Variants in PLA2G7 observed in about 807,000 individuals in gnomAD.
PLA2G7 encodes phospholipase A2 group VII.
A neutral mutation model predicts 49.6 loss-of-function variants in PLA2G7; 63 were observed. That is an observed-to-expected ratio of 1.27 (90% CI 1.04 to 1.57). The LOEUF (loss-of-function observed/expected upper bound fraction) is 1.57, where lower values mean the gene tolerates loss of function less well. Among genes scored for constraint, PLA2G7 ranks in the 40% most tolerant of loss-of-function variants. PLA2G7 has a pLI of 0.00. For missense variants in PLA2G7, 596 were observed against 521.2 expected (o/e 1.14, Z -1.40); for synonymous variants, 193 against 169.9 (o/e 1.14, Z -1.06).
chr6:46,708,077 G>T lies in PLA2G7; in HGVS notation c.954C>A (p.Asn318Lys). Reference protein sequence around the residue: ...SRIPQPLFFINSEYFQYPANI... With the variant: ...SRIPQPLFFIKSEYFQYPANI... ...TAGCAGGATATTGGAAATATTCAGA[G>T]TTGATAAAAAAGAGGGGCTGAGGAA... Residue 318 changes from asparagine to lysine, a missense_variant, in exon 10 of 12, where the codon AAC (asparagine) becomes AAA (lysine). Coordinates refer to ENST00000274793, the MANE Select transcript of PLA2G7 (RefSeq NM_005084.4). 2 of 1,602,980 alleles carry T rather than the reference G, an allele frequency of 1.2e-6. No homozygotes were observed. Among genetic ancestry groups the T allele is most frequent in the Non-Finnish European group, 1.7e-6 (2 of 1,170,120 alleles).
intron 11 of PLA2G7, 31 bp from the exon 12 acceptor site, chr6:46,704,727 T>A: frequency 7.2e-7 from 1 of 1,397,984 alleles, no homozygotes; most frequent in Non-Finnish European, 1.0e-6. Flanking sequence ...ATCAACATAT[T>A]AAACTTTTGA....
intron 6 of PLA2G7, among the ~76,000 whole-genome samples, chr6:46,712,036 G>A (rs975739476): frequency 2.6e-5 from 4 of 152,112 alleles, no homozygotes; most frequent in African/African-American, 4.8e-5. Context: ...ATGAAATGGC[G>A]TATTAAAAAC....
chr6:46,704,440 A>AT lies in PLA2G7; in HGVS notation c.*119dup. 2 of 613,156 alleles carry AT rather than the reference A, an allele frequency of 3.3e-6. No homozygotes were observed. The highest frequency in any genetic ancestry group is 5.6e-6 in the Non-Finnish European group (2 of 354,116). 38.0% of individuals were successfully genotyped at this position (613,156 alleles called of 1,614,324 possible). A position where few individuals can be genotyped will look rare whatever the true frequency, so the allele number is the denominator to read the frequency against. On this transcript the variant is annotated 3_prime_UTR_variant, in exon 12 of 12. Coordinates refer to ENST00000274793, the MANE Select transcript of PLA2G7 (RefSeq NM_005084.4). ...GAGTCCTTTGGGAAAATACATTAAA[A>AT]TTCTCTCTCTCTCTCTCTCTCTCTC...
rs201145525 is a variant in PLA2G7 at position 46,709,302 on chromosome 6, T to C, written c.869+25A>G. Reference sequence around the variant, plus strand: ...TTTCTTCCAATAATTTACTATTCTCTTGCTTTACTATCTTATTTTCTTACC... The same window carrying C: ...TTTCTTCCAATAATTTACTATTCTCCTGCTTTACTATCTTATTTTCTTACC... On this transcript the variant is annotated intron_variant, in intron 9 of 11. Coordinates refer to ENST00000274793, the MANE Select transcript of PLA2G7 (RefSeq NM_005084.4). The C allele has an allele frequency of 1.6e-4, 205 of 1,259,758 alleles. 1 individual carries two copies. In the Admixed American group the frequency reaches 3.4e-3, roughly 21 times the overall value. 78.0% of individuals were successfully genotyped at this position (1,259,758 alleles called of 1,614,324 possible). A position where few individuals can be genotyped will look rare whatever the true frequency, so the allele number is the denominator to read the frequency against.
intron 4 of PLA2G7, among the ~76,000 whole-genome samples, chr6:46,715,316 A>T (rs1384932364): frequency 6.6e-6 from 1 of 152,212 alleles, no homozygotes; most frequent in Non-Finnish European, 1.5e-5. Context: ...CACTGACTTC[A>T]TACTGAGTCA....
chr6:46,720,919 CT>C (rs985060222), intron 2 of PLA2G7, among the ~76,000 whole-genome samples: 1 of 152,150 alleles, frequency 6.6e-6, no homozygotes, highest in African/African-American at 2.4e-5. Flanking sequence ...TCCTACAAAC[CT>C]TTTAACCTGC....
intron 11 of PLA2G7, 97 bp downstream of exon 11, chr6:46,705,056 A>G: frequency 1.1e-6 from 1 of 952,270 alleles, no homozygotes; most frequent in Non-Finnish European, 1.7e-6. Flanking sequence ...TTGTAAACCA[A>G]CTGGAAATAG....
intron 1 of PLA2G7, among the ~76,000 whole-genome samples, chr6:46,734,415 T>TGTGTGTGTGA (rs1765832579): frequency 1.8e-5 from 1 of 54,276 alleles, no homozygotes; most frequent in African/African-American, 5.7e-5. Flanking sequence ...TGTGTGTGTG[T>TGTGTGTGTGA]GAGAGAGAGA....
chr6:46,711,365 C>T (rs1765013113), intron 7 of PLA2G7, 131 bp downstream of exon 7: 1 of 1,007,122 alleles, frequency 9.9e-7, no homozygotes, highest in Non-Finnish European at 1.6e-6. Flanking sequence ...AATCTATTGA[C>T]AGATCTTTTG....
Position 46,714,604 on chromosome 6 carries a change from T to C in PLA2G7, c.377-51A>G, listed in dbSNP as rs746055089. 20 of 1,044,656 alleles carry C rather than the reference T, an allele frequency of 1.9e-5. No homozygotes were observed. In the Admixed American group the frequency reaches 2.4e-4, roughly 12 times the overall value. 64.7% of individuals were successfully genotyped at this position (1,044,656 alleles called of 1,614,324 possible). ...TAAGGTTTTCTCTGAGTGTTGCTAG[T>C]GAATTTAATTCATATCTCATTAGCA... On this transcript the variant is annotated intron_variant, in intron 4 of 11. Transcript: ENST00000274793.
intron 1 of PLA2G7, among the ~76,000 whole-genome samples, chr6:46,731,995 C>T (rs1246069340): frequency 1.3e-5 from 2 of 152,172 alleles, no homozygotes; most frequent in Admixed American, 6.5e-5. Flanking sequence ...CACCCAGAGT[C>T]ATCTCTTTAT....
chr6:46,723,550 T>A (rs1172552691), intron 1 of PLA2G7, among the ~76,000 whole-genome samples: 2 of 152,216 alleles, frequency 1.3e-5, no homozygotes, highest in African/African-American at 4.8e-5. Context: ...CAAGAGAATA[T>A]GAGATGTGTG....
chr6:46,723,653 C>T (rs974244276), intron 1 of PLA2G7, among the ~76,000 whole-genome samples: 3 of 152,140 alleles, frequency 2.0e-5, no homozygotes, highest in Non-Finnish European at 4.4e-5. Flanking sequence ...TAAAATTTGG[C>T]CCTTCAACTT....
chr6:46,708,025 A>G lies in PLA2G7; in HGVS notation c.1006T>C (p.Ser336Pro). The G allele has an allele frequency of 1.9e-6, 3 of 1,585,128 alleles. No individual in the cohort carries two copies. The highest frequency in any genetic ancestry group is 2.6e-6 in the Non-Finnish European group (3 of 1,154,078). The change falls in exon 10 of 12, where the codon TCA becomes CCA. Residue 336 changes from serine to proline, a missense_variant. Physicochemically the swap from Ser to Pro is moderately conservative, Grantham distance 74 (BLOSUM62 -1). Transcript: ENST00000274793. ...ATCATCTTTCTTTCTTTATCAGGTGAGTAGCATTTTTTCATTTTTATGATA... is the reference window on the plus strand; with the variant it reads ...ATCATCTTTCTTTCTTTATCAGGTGGGTAGCATTTTTTCATTTTTATGATA... The part of the protein sequence containing the change: ...ANIIKMKKCY[S>P]PDKERKMITI...
chr6:46,708,690 C>G (rs1035914905), intron 9 of PLA2G7, among the ~76,000 whole-genome samples: 5 of 152,054 alleles, frequency 3.3e-5, no homozygotes, highest in Admixed American at 6.6e-5. Flanking sequence ...GTAAGTTTAT[C>G]CTATGTTTCC....
chr6:46,711,667 C>T, intron 6 of PLA2G7, 48 bp from the exon 7 acceptor site: 1 of 1,599,852 alleles, frequency 6.3e-7, no homozygotes, highest in Non-Finnish European at 8.6e-7. Context: ...TTCCCTTCCT[C>T]ATCTGACCCA....
rs542186805 is a variant in PLA2G7, at chr6:46,721,225, T to A, written c.109+1558A>T. Among the ~76,000 whole-genome samples the A allele has an allele frequency of 3.9e-5, 6 of 152,078 alleles. No homozygotes were observed. In the East Asian group the frequency reaches 1.2e-3, roughly 29 times the overall value. On this transcript the variant is annotated intron_variant, in intron 2 of 11. Coordinates refer to ENST00000274793, the MANE Select transcript of PLA2G7 (RefSeq NM_005084.4). The stretch of plus-strand genomic sequence containing the variant: ...CCAGCTAATTTTATGTATTTTTTTT[T>A]TTAATATAGACGGGGTTTCACCATG...
At chr6:46,732,180 G>A (rs774319601) in intron 1 of PLA2G7, among the ~76,000 whole-genome samples, 1 of 152,114 alleles carries the variant, frequency 6.6e-6, no homozygotes, top group Non-Finnish European at 1.5e-5. Flanking sequence ...CAGCCACACT[G>A]GCATTCCAAC....
chr6:46,712,549 G>A (rs544990512), intron 5 of PLA2G7, among the ~76,000 whole-genome samples: 15 of 152,264 alleles, frequency 9.9e-5, no homozygotes, highest in Middle Eastern at 3.4e-3. Context: ...GAATGTGGGC[G>A]AGGGTATTTC....
Sources: allele counts gnomAD v4.1 joint callset (sites outside exome capture counted in the v4.1 genomes callset), GRCh38; gene constraint gnomAD v4.1.1; transcripts MANE v1.5; gene names NCBI Gene and HGNC (gene_info 2026-07-23, HGNC 2026-07-21).